The following RCSD1 variants were observed in gnomAD, a reference collection of about 807,000 sequenced individuals.
The protein encoded by RCSD1 is capZ-interacting protein.
A neutral mutation model predicts 42.5 loss-of-function variants in RCSD1; 26 were observed. That is an observed-to-expected ratio of 0.61 (90% CI 0.45 to 0.85). The LOEUF is 0.85. Ranked by LOEUF, RCSD1 falls within the 40% of genes least tolerant of loss-of-function variation. The pLI, the probability that RCSD1 is intolerant of heterozygous loss-of-function variation, is 0.00. For missense variants in RCSD1, 571 were observed against 528.3 expected, an observed-to-expected ratio of 1.08 and a Z score of -0.79; for synonymous variants, 220 against 212.2, an observed-to-expected ratio of 1.04 and a Z score of -0.32.
chr1:167,687,028 C>A (rs2102233712), intron 3 of RCSD1, among the ~76,000 whole-genome samples: 1 of 152,338 alleles, frequency 6.6e-6, no homozygotes, highest in East Asian at 1.9e-4. Flanking sequence ...TTGGGTTAAA[C>A]AGCTCCATCC....
Position 167,704,967 on chromosome 1 carries a change from A to G in RCSD1, c.*271A>G, listed in dbSNP as rs984274112. ...TGGTTCAACAACAAGAACTTACTTA[A>G]AACAATGTACTGTGGTGATGAGTCC... is the stretch of plus-strand genomic sequence containing the variant. On this transcript the variant is annotated 3_prime_UTR_variant, in exon 7 of 7. Coordinates refer to ENST00000367854, the MANE Select transcript of RCSD1 (RefSeq NM_052862.4). 26 of 418,828 alleles carry G rather than the reference A, an allele frequency of 6.2e-5. No homozygotes were observed. The highest frequency in any genetic ancestry group is 4.3e-4 in the African/African-American group (21 of 49,174). 25.9% of individuals were successfully genotyped at this position (418,828 alleles called of 1,614,324 possible).
intron 3 of RCSD1, 110 bp from the exon 4 acceptor site, chr1:167,689,939 G>A: frequency 2.0e-6 from 2 of 1,000,832 alleles, no homozygotes; most frequent in Non-Finnish European, 3.1e-6. Context: ...TAATGAGAAA[G>A]TGGCAACACC....
chr1:167,662,014 G>A (rs1217692630), intron 1 of RCSD1, among the ~76,000 whole-genome samples: 2 of 152,208 alleles, frequency 1.3e-5, no homozygotes, highest in Non-Finnish European at 2.9e-5. Flanking sequence ...AGCCCCCTGA[G>A]GGAGTGAGGA....
intron 3 of RCSD1, among the ~76,000 whole-genome samples, chr1:167,685,787 G>A (rs1278616970): frequency 1.3e-5 from 2 of 152,144 alleles, no homozygotes; most frequent in African/African-American, 2.4e-5. Flanking sequence ...CAAAGAGAAT[G>A]GGTCATATAT....
At chr1:167,664,999 C>T (rs1329353585) in intron 1 of RCSD1, 1 of 150,342 alleles carries the variant, frequency 6.7e-6, no homozygotes, top group Non-Finnish European at 1.5e-5. Flanking sequence ...GATCGTGCCA[C>T]TGCACTCCAG....
intron 1 of RCSD1, among the ~76,000 whole-genome samples, chr1:167,646,062 T>A (rs1658135183): frequency 6.6e-6 from 1 of 152,184 alleles, no homozygotes; most frequent in Non-Finnish European, 1.5e-5. Flanking sequence ...GAATCCACAG[T>A]GCAGATTTGG....
At chr1:167,676,148 T>C (rs1464451696) in intron 1 of RCSD1, among the ~76,000 whole-genome samples, 2 of 152,184 alleles carry the variant, frequency 1.3e-5, no homozygotes, top group African/African-American at 2.4e-5. Context: ...ATAGGCAATC[T>C]GAGGCACGGA....
chr1:167,630,648 T>G (rs1657671576), intron 1 of RCSD1: 1 of 304,468 alleles, frequency 3.3e-6, no homozygotes, highest in Non-Finnish European at 5.7e-6. Flanking sequence ...CTGGGGTTGG[T>G]AAGGAAAGAT....
chr1:167,656,938 T>C (rs1238141990), intron 1 of RCSD1, among the ~76,000 whole-genome samples: 4 of 152,210 alleles, frequency 2.6e-5, no homozygotes, highest in Non-Finnish European at 4.4e-5. Context: ...AGAGAGTTCA[T>C]AGAAGGGAGG....
intron 2 of RCSD1, among the ~76,000 whole-genome samples, chr1:167,684,911 G>T (rs1165643699): frequency 3.3e-5 from 5 of 152,142 alleles, no homozygotes; most frequent in Non-Finnish European, 7.4e-5. Context: ...ATGAGGGAAG[G>T]GTGCCCCAAG....
intron 1 of RCSD1, among the ~76,000 whole-genome samples, chr1:167,660,753 T>A (rs1658523787): frequency 6.6e-6 from 1 of 152,178 alleles, no homozygotes; most frequent in African/African-American, 2.4e-5. Flanking sequence ...GGATTTCAGG[T>A]GTGAGCCGCC....
chr1:167,642,124 A>G (rs2102199184), intron 1 of RCSD1: 1 of 152,336 alleles, frequency 6.6e-6, no homozygotes, highest in South Asian at 2.1e-4. Flanking sequence ...AACTATCCAC[A>G]TGGCTCCAAT....
At chr1:167,661,197 T>C (rs74120617) in intron 1 of RCSD1, among the ~76,000 whole-genome samples, 6,321 of 152,308 alleles carry the variant, frequency 0.042, 462 homozygotes, top group African/African-American at 0.14. Context: ...TATAATCCTA[T>C]GTAGTAGATA....
At chr1:167,679,965 C>T (rs1011712279) in intron 1 of RCSD1, among the ~76,000 whole-genome samples, 2 of 152,108 alleles carry the variant, frequency 1.3e-5, no homozygotes, top group East Asian at 3.9e-4. Context: ...CCTCAGTTCT[C>T]GGAAGAAAGT....
chr1:167,639,085 C>T (rs1657939295), intron 1 of RCSD1, among the ~76,000 whole-genome samples: 1 of 152,106 alleles, frequency 6.6e-6, no homozygotes, highest in Non-Finnish European at 1.5e-5. Flanking sequence ...GGCATGGTGG[C>T]AGGCACCTGT....
At chr1:167,636,055 T>C (rs1315467029) in intron 1 of RCSD1, among the ~76,000 whole-genome samples, 1 of 152,248 alleles carries the variant, frequency 6.6e-6, no homozygotes, top group African/African-American at 2.4e-5. Flanking sequence ...AACACTGTCC[T>C]GGTTCTTTGG....
rs534683535 is a variant in RCSD1, at chr1:167,680,292, G to T, written c.7-3608G>T. The stretch of plus-strand genomic sequence containing the variant: ...GACCAGGACCTGGAGGGTAGATGCT[G>T]GCAGGGGAGGGACTTACATACATCT... On this transcript the variant is annotated intron_variant, in intron 1 of 6. Coordinates refer to ENST00000367854, the MANE Select transcript of RCSD1 (RefSeq NM_052862.4). 4.6e-5 allele frequency among the ~76,000 whole-genome samples: 7 copies of T among 152,028 alleles called. No homozygotes were observed. In the South Asian group the frequency reaches 8.3e-4, roughly 18 times the overall value.
chr1:167,674,919 A>G (rs989958092), intron 1 of RCSD1, among the ~76,000 whole-genome samples: 1 of 152,162 alleles, frequency 6.6e-6, no homozygotes, highest in African/African-American at 2.4e-5. Flanking sequence ...TAATAAAGAC[A>G]TATCCAGCCG....
At chr1:167,651,697 C>T (rs752680123) in intron 1 of RCSD1, among the ~76,000 whole-genome samples, 19 of 152,174 alleles carry the variant, frequency 1.2e-4, no homozygotes, top group Non-Finnish European at 2.5e-4. Context: ...AATTTTGTTC[C>T]TGTTGAGCTC....
Sources: allele counts gnomAD v4.1 joint callset (sites outside exome capture counted in the v4.1 genomes callset), GRCh38; gene constraint gnomAD v4.1.1; transcripts MANE v1.5; gene names NCBI Gene and HGNC (gene_info 2026-07-23, HGNC 2026-07-21).